Variants in NCOR2 observed in about 807,000 individuals in gnomAD.
NCOR2 encodes CTG repeat protein 26.
A neutral mutation model predicts 262.9 loss-of-function variants in NCOR2; 81 were observed. The ratio of observed to expected loss-of-function variants is 0.31; its 90% CI spans 0.26 to 0.37. The LOEUF is 0.37. NCOR2 is among the 10% of genes least tolerant of loss of function. NCOR2 has a pLI of 1.00. For synonymous variants in NCOR2, 1,659 were observed against 1,559.3 expected (o/e 1.06, Z -1.51); for missense variants, 3,385 against 3,621.4 (o/e 0.93, Z 1.68).
At chr12:124,539,963 C>A (rs1161003708), upstream of NCOR2, among the ~76,000 whole-genome samples, 1 of 152,200 alleles carries the variant, frequency 6.6e-6, no homozygotes, top group Non-Finnish European at 1.5e-5. The surrounding 1 kb of genome is among the most constrained non-coding windows in gnomAD (Gnocchi z 5.1). Context: ...GACATTCAAA[C>A]CCAGAGGCAG....
At chr12:124,381,045 A>C (rs1199724015) in intron 17 of NCOR2, among the ~76,000 whole-genome samples, 1 of 152,100 alleles carries the variant, frequency 6.6e-6, no homozygotes, top group Non-Finnish European at 1.5e-5. Context: ...GCTGCTCTGC[A>C]AATCAGCGCA....
chr12:124,354,367 C>A, intron 26 of NCOR2, 111 bp downstream of exon 28: 1 of 1,222,822 alleles, frequency 8.2e-7, no homozygotes, highest in South Asian at 1.5e-5. Context: ...GAAGAGGGGC[C>A]CCCAGACCCT....
At position 124,457,234 on chromosome 12, in the gene NCOR2, C is replaced by A; in HGVS notation, c.706-72G>T. 6.9e-7 allele frequency: 1 copy of A among 1,456,826 alleles called. No homozygotes were observed. Among genetic ancestry groups the A allele is most frequent in the Non-Finnish European group, 9.1e-7 (1 of 1,101,588 alleles). The allele number at this position is 1,456,826 out of a possible 1,614,324, so 90.2% of individuals were successfully genotyped here. On this transcript the variant is annotated intron_variant, in intron 5 of 46. Coordinates refer to ENST00000405201, the Ensembl canonical transcript of NCOR2. This position sits in a 1 kb window ranked among gnomAD's most constrained non-coding sequence, Gnocchi z 4.0. ...AACACAGATTATAAATAGAGGCTTC[C>A]CGGAGCAGCGGGCACCTGCCCAGCC...
intron 3 of NCOR2, among the ~76,000 whole-genome samples, chr12:124,480,492 C>T (rs1043634919): frequency 6.6e-6 from 1 of 152,218 alleles, no homozygotes; most frequent in Non-Finnish European, 1.5e-5. Flanking sequence ...GAACAAGCCT[C>T]CAGCCTGGTA....
rs374183403 is a variant in NCOR2, at chr12:124,486,352, T to TGTGCTCCTGCTCTGCC, written c.233+73_233+88dup. ...CATCCCCTCATTTCACAGGACCCTGTGTGCTCCTGCTCTGCCACGGGCCTC... is the reference window on the plus strand; with the variant it reads ...CATCCCCTCATTTCACAGGACCCTGTGTGCTCCTGCTCTGCCGTGCTCCTGCTCTGCCACGGGCCTC... On this transcript the variant is annotated intron_variant, in intron 2 of 46. Transcript: ENST00000405201. 7.6e-3 allele frequency: 11,837 copies of TGTGCTCCTGCTCTGCC among 1,549,260 alleles called. 77 individuals are homozygous for TGTGCTCCTGCTCTGCC. Among genetic ancestry groups the TGTGCTCCTGCTCTGCC allele is most frequent in the Middle Eastern group, 0.04 (235 of 5,882 alleles).
At chr12:124,463,814 C>T (rs183543919) in intron 5 of NCOR2, among the ~76,000 whole-genome samples, 6 of 152,340 alleles carry the variant, frequency 3.9e-5, no homozygotes, top group African/African-American at 1.2e-4. Flanking sequence ...TCAGCCCGGG[C>T]GGAGGATCCC....
chr12:124,368,482 A>C (rs2039216362), intron 20 of NCOR2, among the ~76,000 whole-genome samples: 1 of 152,092 alleles, frequency 6.6e-6, no homozygotes, highest in African/African-American at 2.4e-5. Flanking sequence ...CAAGGCCCCA[A>C]GATAAAACCC....
chr12:124,439,262 T>A (rs377236576), intron 7 of NCOR2, among the ~76,000 whole-genome samples: 1 of 11,258 alleles, frequency 8.9e-5, no homozygotes, highest in African/African-American at 2.5e-4. Flanking sequence ...GAGAGAGAGA[T>A]GGAGACCCTG....
exon 46 of NCOR2, chr12:124,326,328 C>T (rs377742489): frequency 7.3e-5 from 113 of 1,537,576 alleles, no homozygotes; most frequent in African/African-American, 2.8e-5. Flanking sequence ...CTTGGCTTTT[C>T]GGCTGCTGGG....
exon 28 of NCOR2, chr12:124,350,588 C>G: frequency 1.2e-6 from 2 of 1,613,084 alleles, no homozygotes; most frequent in Non-Finnish European, 1.7e-6. Flanking sequence ...GCGACTCACC[C>G]TCATAGGACA....
chr12:124,471,827 A>G (rs925273776), intron 4 of NCOR2, among the ~76,000 whole-genome samples: 4 of 152,236 alleles, frequency 2.6e-5, no homozygotes, highest in Non-Finnish European at 4.4e-5. Context: ...TCAGCCTCCC[A>G]AAGTGCTGGG....
At chr12:124,399,770 G>A (rs2041895723) in intron 15 of NCOR2, among the ~76,000 whole-genome samples, 1 of 152,202 alleles carries the variant, frequency 6.6e-6, no homozygotes, top group African/African-American at 2.4e-5. Context: ...CGCAGTGGCT[G>A]GAGGGCTGGA....
At chr12:124,451,228 C>A (rs985430922) in intron 6 of NCOR2, among the ~76,000 whole-genome samples, 8 of 152,254 alleles carry the variant, frequency 5.3e-5, no homozygotes, top group Non-Finnish European at 8.8e-5. Flanking sequence ...CGCCGGCCCC[C>A]CGACTCCCTC....
At chr12:124,333,193 G>T (rs1305192306) in exon 42 of NCOR2, 1 of 1,612,992 alleles carries the variant, frequency 6.2e-7, no homozygotes, top group South Asian at 1.1e-5. Context: ...GGAGTGCCCT[G>T]GCTCCGTCAT....
chr12:124,518,889 G>A (rs570190666), intron 1 of NCOR2, among the ~76,000 whole-genome samples: 84 of 152,304 alleles, frequency 5.5e-4, no homozygotes, highest in African/African-American at 1.9e-3. Flanking sequence ...GCTCCGGCCT[G>A]GTTCCGAACC....
chr12:124,354,251 G>T, intron 26 of NCOR2, 55 bp from the exon 29 acceptor site: 1 of 1,514,152 alleles, frequency 6.6e-7, no homozygotes, highest in Non-Finnish European at 8.9e-7. Context: ...TCCTTCCCCA[G>T]GCCCCAGTCC....
chr12:124,443,929 G>C lies in NCOR2; in HGVS notation c.815+5886C>G, dbSNP rs1270735573. ...CCACACCCCTTCATGGCCACAGGCT[G>C]GGAAACTGAGGCTTGGCTGCTCCTT... On this transcript the variant is annotated intron_variant, in intron 7 of 46. Coordinates refer to ENST00000405201, the Ensembl canonical transcript of NCOR2. This position sits in a 1 kb window ranked among gnomAD's most constrained non-coding sequence, Gnocchi z 4.4. Among the ~76,000 whole-genome samples the C allele has an allele frequency of 6.6e-6, 1 of 152,088 alleles. No homozygotes were observed. The highest frequency in any genetic ancestry group is 1.9e-4 in the East Asian group (1 of 5,168).
intron 1 of NCOR2, among the ~76,000 whole-genome samples, chr12:124,543,409 C>T (rs1228629100): frequency 6.6e-6 from 1 of 152,190 alleles, no homozygotes; most frequent in Non-Finnish European, 1.5e-5. Flanking sequence ...CTCCACTGTC[C>T]GGACCCTGTT....
chr12:124,438,641 A>C (rs1202293914), intron 7 of NCOR2, among the ~76,000 whole-genome samples: 1 of 151,966 alleles, frequency 6.6e-6, no homozygotes, highest in Admixed American at 6.6e-5. Context: ...CTCCAAGAGA[A>C]GGAGGCACGT....
Sources: allele counts gnomAD v4.1 joint callset (sites outside exome capture counted in the v4.1 genomes callset), GRCh38; gene constraint gnomAD v4.1.1; non-coding constraint Gnocchi (gnomAD v3.1); transcripts MANE v1.5; gene names NCBI Gene and HGNC (gene_info 2026-07-23, HGNC 2026-07-21).